DNAJC5B: variants seen among roughly 807,000 people sequenced by gnomAD.
DNAJC5B encodes the protein dnaJ homolog subfamily C member 5B.
In DNAJC5B, 23 loss-of-function variants were observed where a neutral mutation model predicts 24.7. The ratio of observed to expected loss-of-function variants is 0.93; its 90% CI spans 0.67 to 1.32. The LOEUF is 1.32. Ranked by LOEUF, DNAJC5B falls within the 40% of genes most tolerant of loss-of-function variation. The pLI, the probability that DNAJC5B is intolerant of heterozygous loss-of-function variation, is 0.00. For missense variants in DNAJC5B, 238 were observed against 240.8 expected (o/e 0.99, Z 0.08); for synonymous variants, 101 against 90.1 (o/e 1.12, Z -0.68).
chr8:66,035,653 G>A (rs925502285), intron 1 of DNAJC5B, among the ~76,000 whole-genome samples: 1 of 152,132 alleles, frequency 6.6e-6, no homozygotes, highest in Admixed American at 6.5e-5. Flanking sequence ...AACCAACCCT[G>A]CAGACACCTT....
chr8:66,085,728 G>A (rs1807709745), intron 5 of DNAJC5B, among the ~76,000 whole-genome samples: 1 of 152,004 alleles, frequency 6.6e-6, no homozygotes, highest in South Asian at 2.1e-4. Context: ...ATCAGGTAGT[G>A]TGATTCTTCC....
At chr8:66,041,990 C>T (rs1221310884) in intron 1 of DNAJC5B, among the ~76,000 whole-genome samples, 1 of 152,158 alleles carries the variant, frequency 6.6e-6, no homozygotes, top group Non-Finnish European at 1.5e-5. Context: ...TTATCTAGTT[C>T]TTTTCAGATC....
chr8:66,018,526 A>AAAAC (rs1325660829), upstream of DNAJC5B, among the ~76,000 whole-genome samples: 18 of 152,262 alleles, frequency 1.2e-4, no homozygotes, highest in South Asian at 8.3e-4. Flanking sequence ...CTCAGAAAAC[A>AAAAC]AAACAAACAA....
intron 3 of DNAJC5B, among the ~76,000 whole-genome samples, chr8:66,054,950 T>C (rs142566275): frequency 3.2e-4 from 48 of 152,228 alleles, no homozygotes; most frequent in Middle Eastern, 3.4e-3. Flanking sequence ...ACAAAAATGC[T>C]CCCCAAAATG....
rs369730815 is a variant in DNAJC5B, at chr8:66,049,585, T to C, written c.-17-1946T>C. ...GCTCTATTATCTAGGTTTGTGTAAA[T>C]ACACTCTGTGATGTTCACACAATGA... is the stretch of plus-strand genomic sequence containing the variant. On this transcript the variant is annotated intron_variant, in intron 2 of 5. Coordinates refer to ENST00000276570, the MANE Select transcript of DNAJC5B (RefSeq NM_033105.6). Among the ~76,000 whole-genome samples, 131 of 152,306 alleles carry C rather than the reference T, an allele frequency of 8.6e-4. 4 individuals are homozygous for C. The South Asian group carries it at 0.022, about 25-fold the overall frequency.
Position 66,039,043 on chromosome 8 carries a change from T to A in DNAJC5B, c.-141-4445T>A, listed in dbSNP as rs958681365. On this transcript the variant is annotated intron_variant, in intron 1 of 5. Transcript: ENST00000276570. The stretch of plus-strand genomic sequence containing the variant: ...GTTAGACTTTATTAGTGAACACACT[T>A]ATTGGTAGTTCCTTGTTTAAGTCCA... Among the ~76,000 whole-genome samples, 8 of 152,334 alleles carry A rather than the reference T, an allele frequency of 5.3e-5. No homozygotes were observed. In the South Asian group the frequency reaches 6.2e-4, roughly 12 times the overall value.
chr8:66,017,677 CTGT>C (rs1297306961), upstream of DNAJC5B, among the ~76,000 whole-genome samples: 5 of 152,202 alleles, frequency 3.3e-5, no homozygotes, highest in Non-Finnish European at 5.9e-5. Flanking sequence ...GCTCTCGTAA[CTGT>C]TGTTATGCTG....
chr8:66,061,065 C>T (rs1476284356), intron 3 of DNAJC5B, among the ~76,000 whole-genome samples: 1 of 152,156 alleles, frequency 6.6e-6, no homozygotes, highest in Non-Finnish European at 1.5e-5. Flanking sequence ...GAGATGTTCA[C>T]ATAAACACTA....
At chr8:66,037,615 G>A (rs977916036) in intron 1 of DNAJC5B, among the ~76,000 whole-genome samples, 1 of 152,160 alleles carries the variant, frequency 6.6e-6, no homozygotes, top group South Asian at 2.1e-4. Context: ...CCTCTGGGAC[G>A]GTCCACTCAG....
intron 5 of DNAJC5B, among the ~76,000 whole-genome samples, chr8:66,096,379 A>G (rs186038306): frequency 6.6e-6 from 1 of 152,306 alleles, no homozygotes; most frequent in East Asian, 1.9e-4. Context: ...TTTTGGGGAG[A>G]CACAATTCTG....
intron 1 of DNAJC5B, among the ~76,000 whole-genome samples, chr8:66,024,189 A>G (rs1047920543): frequency 3.3e-5 from 5 of 152,202 alleles, no homozygotes; most frequent in African/African-American, 1.2e-4. Context: ...AATAAAAGAT[A>G]ATTATGAAGC....
chr8:66,097,283 C>A (rs1336335793), intron 5 of DNAJC5B, among the ~76,000 whole-genome samples: 1 of 143,658 alleles, frequency 7.0e-6, no homozygotes, highest in Non-Finnish European at 1.5e-5. Flanking sequence ...AAATTATATT[C>A]TCTTTTCTGT....
At chr8:66,062,182 AGAAAATGTCTG>A (rs1431978826) in intron 3 of DNAJC5B, among the ~76,000 whole-genome samples, 12 of 152,270 alleles carry the variant, frequency 7.9e-5, no homozygotes, top group African/African-American at 2.4e-4. Context: ...ATTAGAAAAT[AGAAAATGTCTG>A]GAAAATGTCT....
rs116644921 is a variant in DNAJC5B at position 66,053,071 on chromosome 8, G to A, written c.119+1405G>A. Reference sequence around the variant, plus strand: ...GCTAGGACTTCAGGCTAGCTACTCAGGCTATCAGGACCACCATGCCTAACT... The same window carrying A: ...GCTAGGACTTCAGGCTAGCTACTCAAGCTATCAGGACCACCATGCCTAACT... On this transcript the variant is annotated intron_variant, in intron 3 of 5. Coordinates refer to ENST00000276570, the MANE Select transcript of DNAJC5B (RefSeq NM_033105.6). Among the ~76,000 whole-genome samples, 744 of 152,180 alleles carry A rather than the reference G, an allele frequency of 4.9e-3. 3 individuals carry two copies. Among genetic ancestry groups the A allele is most frequent in the African/African-American group, 0.017 (722 of 41,512 alleles).
intron 5 of DNAJC5B, among the ~76,000 whole-genome samples, chr8:66,098,628 T>A (rs1188215776): frequency 1.3e-5 from 2 of 152,120 alleles, no homozygotes; most frequent in Admixed American, 1.3e-4. Flanking sequence ...GTTAGATATG[T>A]TAGACCTTAT....
At chr8:66,022,809 C>G (rs544393140) in intron 1 of DNAJC5B, among the ~76,000 whole-genome samples, 16 of 152,214 alleles carry the variant, frequency 1.1e-4, no homozygotes, top group Non-Finnish European at 2.1e-4. Context: ...AACTTCTGTA[C>G]AGAAGTCACT....
At chr8:66,028,040 A>C (rs1441090911) in intron 1 of DNAJC5B, among the ~76,000 whole-genome samples, 3 of 152,210 alleles carry the variant, frequency 2.0e-5, no homozygotes, top group African/African-American at 7.2e-5. Context: ...CTATGTGAAA[A>C]ATGTGCGCAC....
At chr8:66,071,535 A>T (rs1807349062) in intron 3 of DNAJC5B, among the ~76,000 whole-genome samples, 1 of 151,784 alleles carries the variant, frequency 6.6e-6, no homozygotes, top group South Asian at 2.1e-4. Context: ...GGTGATCATT[A>T]AAAAAGTCAG....
At chr8:66,041,857 G>A (rs974176239) in intron 1 of DNAJC5B, among the ~76,000 whole-genome samples, 6 of 152,150 alleles carry the variant, frequency 3.9e-5, no homozygotes, top group African/African-American at 1.4e-4. Context: ...GGCATGTAAT[G>A]ACGTCCTATG....
Sources: allele counts gnomAD v4.1 joint callset (sites outside exome capture counted in the v4.1 genomes callset), GRCh38; gene constraint gnomAD v4.1.1; transcripts MANE v1.5; gene names NCBI Gene and HGNC (gene_info 2026-07-23, HGNC 2026-07-21).